Variants in AGBL3 observed in about 807,000 individuals in gnomAD.
AGBL3 encodes cytosolic carboxypeptidase 3.
A neutral mutation model predicts 94.5 loss-of-function variants in AGBL3; 68 were observed. That is an observed-to-expected ratio of 0.72 (90% CI 0.59 to 0.88). The LOEUF is 0.88. Among genes scored for constraint, AGBL3 ranks in the 40% least tolerant of loss-of-function variants. The pLI is 0.00. For synonymous variants in AGBL3, 354 were observed against 370.7 expected (o/e 0.95, Z 0.52); for missense variants, 934 against 1,103.8 (o/e 0.85, Z 2.18).
chr7:135,080,185 G>A lies in AGBL3; in HGVS notation c.1981-18G>A. The A allele has an allele frequency of 6.5e-7, 1 of 1,528,330 alleles. No homozygotes were observed. Among genetic ancestry groups the A allele is most frequent in the Non-Finnish European group, 8.9e-7 (1 of 1,126,924 alleles). The allele number at this position is 1,528,330 out of a possible 1,614,324, so 94.7% of individuals were successfully genotyped here. A position where few individuals can be genotyped will look rare whatever the true frequency, so the allele number is the denominator to read the frequency against. ...TTGATAAAATAGCATTGTTTTCTTT[G>A]ATTCTACATTCCATTAGGTTTATGA... On this transcript the variant is annotated intron_variant, in intron 13 of 16. Transcript: ENST00000436302.
chr7:135,011,168 G>A (rs1452534612), intron 4 of AGBL3: 2 of 152,134 alleles, frequency 1.3e-5, no homozygotes, highest in Non-Finnish European at 2.9e-5. Context: ...AACTGCAAGA[G>A]AAAGTTAAAG....
At chr7:135,015,904 G>A (rs904964735) in intron 4 of AGBL3, among the ~76,000 whole-genome samples, 9 of 150,468 alleles carry the variant, frequency 6.0e-5, no homozygotes, top group African/African-American at 1.7e-4. Flanking sequence ...GGTGGCAGGC[G>A]TCTGTAGTCC....
intron 12 of AGBL3, among the ~76,000 whole-genome samples, chr7:135,060,504 CCTAT>C (rs1311618820): frequency 1.3e-5 from 2 of 152,178 alleles, no homozygotes; most frequent in East Asian, 1.9e-4. Context: ...ACTTATTCCT[CCTAT>C]CTAACTGGAA....
chr7:135,053,106 A>G (rs1480173955), intron 11 of AGBL3, among the ~76,000 whole-genome samples: 2 of 152,218 alleles, frequency 1.3e-5, no homozygotes, highest in East Asian at 3.8e-4. Context: ...TTTAAATGAA[A>G]GCGTCCAAAT....
At position 135,075,265 on chromosome 7, in the gene AGBL3, C is replaced by T. The variant is rs544808704; in HGVS notation, c.1909-1132C>T. On this transcript the variant is annotated intron_variant, in intron 12 of 16. Coordinates refer to ENST00000436302, the MANE Select transcript of AGBL3 (RefSeq NM_178563.4). ...TCCCCTGGCAACCACAAATCTGTTC[C>T]GCATTTCTGTAAATGTATCATTCAC... Among the ~76,000 whole-genome samples, 63 of 152,324 alleles carry T rather than the reference C, an allele frequency of 4.1e-4. 1 individual carries two copies. The South Asian group carries it at 0.012, about 29-fold the overall frequency.
intron 8 of AGBL3, among the ~76,000 whole-genome samples, chr7:135,041,460 A>G (rs1378640164): frequency 6.6e-6 from 1 of 152,230 alleles, no homozygotes; most frequent in Non-Finnish European, 1.5e-5. Context: ...AGACCCATAT[A>G]CATATGGCCT....
Position 135,026,123 on chromosome 7 carries a change from A to G in AGBL3, c.419-6721A>G, listed in dbSNP as rs1476069006. Among the ~76,000 whole-genome samples, 6 of 151,580 alleles carry G rather than the reference A, an allele frequency of 4.0e-5. 1 individual carries two copies. In the East Asian group the frequency reaches 1.0e-3, roughly 26 times the overall value. ...ATGTATTCTTCTCATTTGCACATGA[A>G]ACATATTCTAAGATCAACCACATGC... is the stretch of plus-strand genomic sequence containing the variant. On this transcript the variant is annotated intron_variant, in intron 5 of 16. Transcript: ENST00000436302.
At chr7:135,066,424 T>C (rs887472487) in intron 12 of AGBL3, among the ~76,000 whole-genome samples, 2 of 152,160 alleles carry the variant, frequency 1.3e-5, no homozygotes, top group Admixed American at 1.3e-4. Context: ...AAAACCACAA[T>C]GAGATATCAT....
chr7:135,073,609 T>C (rs1585010574), intron 12 of AGBL3, among the ~76,000 whole-genome samples: 1 of 152,138 alleles, frequency 6.6e-6, no homozygotes, highest in South Asian at 2.1e-4. Flanking sequence ...CTGGGAGCAT[T>C]GGCAAGACTC....
Position 135,115,377 on chromosome 7 carries a change from C to G in AGBL3, c.2111-3C>G. On this transcript the variant is annotated splice_region_variant and splice_polypyrimidine_tract_variant and intron_variant, in intron 15 of 16. Coordinates refer to ENST00000436302, the MANE Select transcript of AGBL3 (RefSeq NM_178563.4). ...TGTACATATTTTTGTGGTTGCTCCC[C>G]AGATCTGCACCACAACTTAAAAAGC... 6.5e-7 allele frequency: 1 copy of G among 1,542,650 alleles called. No homozygotes were observed. Among genetic ancestry groups the G allele is most frequent in the Non-Finnish European group, 8.8e-7 (1 of 1,140,566 alleles).
At chr7:134,991,949 C>T (rs548102468) in intron 3 of AGBL3, among the ~76,000 whole-genome samples, 1 of 152,324 alleles carries the variant, frequency 6.6e-6, no homozygotes, top group Non-Finnish European at 1.5e-5. Context: ...TGTGGGGGTG[C>T]TTCTCTAAGT....
At chr7:135,114,373 T>G (rs1826029665) in intron 15 of AGBL3, among the ~76,000 whole-genome samples, 1 of 151,998 alleles carries the variant, frequency 6.6e-6, no homozygotes, top group Non-Finnish European at 1.5e-5. Flanking sequence ...TTTCTGGAGG[T>G]TTTTTTTGAT....
rs1816129091 is a variant in AGBL3, at chr7:135,034,757, A to G, written c.1166A>G (p.Gln389Arg). 6.4e-7 allele frequency: 1 copy of G among 1,551,510 alleles called. No homozygotes were observed. The highest frequency in any genetic ancestry group is 1.4e-5 in the African/African-American group (1 of 73,028). The change falls in exon 7 of 17, where the codon CAG (glutamine) becomes CGG (arginine). Residue 389 changes from glutamine (Q) to arginine (R), a missense_variant. This residue lies in a region of AGBL3 where 488 missense variants were observed against 563.6 expected (regional missense o/e 0.87). Coordinates refer to ENST00000436302, the MANE Select transcript of AGBL3 (RefSeq NM_178563.4). Reference sequence around the variant, plus strand: ...ATTTTAGGAAACTCAAGTGATGCACAGTTGCTTCGGGACACTTTTGTCTTC... The same window carrying G: ...ATTTTAGGAAACTCAAGTGATGCACGGTTGCTTCGGGACACTTTTGTCTTC... The part of the protein sequence containing the change: ...DYILGNSSDA[Q>R]LLRDTFVFKV...
chr7:135,086,234 T>C (rs1479949057), intron 15 of AGBL3, among the ~76,000 whole-genome samples: 1 of 152,038 alleles, frequency 6.6e-6, no homozygotes, highest in African/African-American at 2.4e-5. Context: ...ATAGAGCCTT[T>C]AGGGTTTTCT....
intron 15 of AGBL3, among the ~76,000 whole-genome samples, chr7:135,104,778 T>C (rs1342281226): frequency 8.7e-6 from 1 of 114,310 alleles, no homozygotes; most frequent in Admixed American, 8.5e-5. Flanking sequence ...GGCTGTTTGG[T>C]TTTTTTTTTT....
chr7:135,057,427 A>G (rs1438902977), intron 11 of AGBL3, among the ~76,000 whole-genome samples: 1 of 18,604 alleles, frequency 5.4e-5, no homozygotes, highest in South Asian at 9.3e-3. Flanking sequence ...CTGAAAAAAA[A>G]TAAAAAGATG....
At chr7:134,991,582 CCCTT>C (rs1810289982) in intron 3 of AGBL3, among the ~76,000 whole-genome samples, 1 of 152,100 alleles carries the variant, frequency 6.6e-6, no homozygotes. Flanking sequence ...TATCACCTAA[CCCTT>C]CCTTCTTTCT....
At chr7:135,067,421 G>A (rs1819440846) in intron 12 of AGBL3, among the ~76,000 whole-genome samples, 1 of 152,208 alleles carries the variant, frequency 6.6e-6, no homozygotes. Flanking sequence ...CTGGAGATCT[G>A]AGAACGAGCA....
At chr7:135,059,883 TAAC>T (rs1388137240) in intron 12 of AGBL3, among the ~76,000 whole-genome samples, 5 of 152,188 alleles carry the variant, frequency 3.3e-5, no homozygotes, top group African/African-American at 4.8e-5. Context: ...TTTTGGTACA[TAAC>T]AACTTTAAAA....
Sources: gnomAD v4.1 joint callset for allele counts (sites outside exome capture counted in the v4.1 genomes callset) on GRCh38, gnomAD v4.1.1 for gene constraint, gnomAD v4.1.1 regional missense constraint, MANE v1.5 for transcripts, NCBI Gene and HGNC (gene_info 2026-07-23, HGNC 2026-07-21) for gene names.